Variants in ANGPT1 observed in about 807,000 individuals in gnomAD.
ANGPT1 encodes the protein angiopoietin 1.
Under a neutral mutation model 62.2 loss-of-function variants are expected in ANGPT1, and 17 were observed. That is an observed-to-expected ratio of 0.27 (90% CI 0.19 to 0.41). The LOEUF (loss-of-function observed/expected upper bound fraction) is 0.41, where lower values mean the gene tolerates loss of function less well. Ranked by LOEUF, ANGPT1 falls within the 10% of genes least tolerant of loss-of-function variation. ANGPT1 has a pLI of 1.00. For missense variants in ANGPT1, 478 were observed against 594.9 expected (o/e 0.80, Z 2.04); for synonymous variants, 199 against 198.9 (o/e 1.00, Z 0.00).
chr8:107,400,668 T>C (rs1454590575), intron 1 of ANGPT1, among the ~76,000 whole-genome samples: 1 of 151,866 alleles, frequency 6.6e-6, no homozygotes, highest in Non-Finnish European at 1.5e-5. Flanking sequence ...CATGCAATTC[T>C]CCTGTCTCAG....
At chr8:107,467,389 G>C (rs1437555149) in intron 1 of ANGPT1, among the ~76,000 whole-genome samples, 3 of 151,648 alleles carry the variant, frequency 2.0e-5, no homozygotes, top group Non-Finnish European at 1.5e-5. Context: ...CTTGAACAAT[G>C]AGCCCACCAA....
rs371628388 is a variant in ANGPT1 at position 107,262,508 on chromosome 8, C to G, written c.1336+1713G>C. 2.6e-4 allele frequency among the ~76,000 whole-genome samples: 40 copies of G among 152,296 alleles called. 1 individual carries two copies. In the South Asian group the frequency reaches 8.3e-3, roughly 32 times the overall value. ...ACAACATAGAGATGAGTTTCTCTCC[C>G]TGCTATCTCACAGAGTGGATCTGGA... On this transcript the variant is annotated intron_variant, in intron 8 of 8. Coordinates refer to ENST00000517746, the MANE Select transcript of ANGPT1 (RefSeq NM_001146.5).
intron 1 of ANGPT1, among the ~76,000 whole-genome samples, chr8:107,391,270 A>AT (rs1279895954): frequency 4.6e-5 from 7 of 152,044 alleles, no homozygotes; most frequent in South Asian, 4.1e-4. Flanking sequence ...TGTGACAGTC[A>AT]TTTTTTTGTC....
At chr8:107,264,011 C>T (rs1000097140) in intron 8 of ANGPT1, among the ~76,000 whole-genome samples, 1 of 152,158 alleles carries the variant, frequency 6.6e-6, no homozygotes, top group African/African-American at 2.4e-5. Context: ...CATTTTCACT[C>T]TTGATGTTGG....
chr8:107,331,740 C>T (rs112937285), intron 3 of ANGPT1, among the ~76,000 whole-genome samples: 229 of 152,210 alleles, frequency 1.5e-3, no homozygotes, highest in African/African-American at 5.2e-3. Flanking sequence ...AGTAGCTATG[C>T]GGCAGCTAGT....
At chr8:107,446,298 T>C (rs1359402971) in intron 1 of ANGPT1, among the ~76,000 whole-genome samples, 1 of 152,224 alleles carries the variant, frequency 6.6e-6, no homozygotes, top group African/African-American at 2.4e-5. Flanking sequence ...TTTTTATATA[T>C]TTTTGTAGTA....
chr8:107,254,692 G>T (rs921335437), intron 8 of ANGPT1, among the ~76,000 whole-genome samples: 1 of 152,124 alleles, frequency 6.6e-6, no homozygotes, highest in Non-Finnish European at 1.5e-5. Context: ...AGCTTGGGAT[G>T]TGTAGGGACA....
intron 7 of ANGPT1, among the ~76,000 whole-genome samples, chr8:107,274,484 C>T (rs1278482246): frequency 6.6e-6 from 1 of 151,826 alleles, no homozygotes; most frequent in Non-Finnish European, 1.5e-5. Context: ...TATTTACTTG[C>T]CAACAAGCAA....
chr8:107,497,511 G>C lies in ANGPT1; in HGVS notation c.48C>G (p.His16Gln), dbSNP rs1405473465. The change falls in exon 1 of 9, where the codon CAC becomes CAG. Residue 16 changes from histidine to glutamine, a missense_variant. Around this residue, in one of 4 missense-constraint regions of ANGPT1, gnomAD observed 343 missense variants for 355.4 expected, o/e 0.97. Coordinates refer to ENST00000517746, the MANE Select transcript of ANGPT1 (RefSeq NM_001146.5). ...SFAFLAAILT[H>Q]IGCSNQRRSP... ...TTCGGCGCTGATTGCTGCACCCTATGTGAGTCAGAATGGCAGCGAGGAAAG... is the reference window on the plus strand; with the variant it reads ...TTCGGCGCTGATTGCTGCACCCTATCTGAGTCAGAATGGCAGCGAGGAAAG... 8.7e-6 allele frequency: 14 copies of C among 1,613,974 alleles called. No individual in the cohort carries two copies. The highest frequency in any genetic ancestry group is 1.2e-5 in the Non-Finnish European group (14 of 1,180,004).
chr8:107,379,520 T>A (rs763072889), intron 1 of ANGPT1, among the ~76,000 whole-genome samples: 4 of 150,842 alleles, frequency 2.7e-5, no homozygotes, highest in Non-Finnish European at 4.4e-5. Context: ...GCCAATTTTA[T>A]AGATGAAGAA....
At chr8:107,372,890 C>T (rs1432884701) in intron 1 of ANGPT1, among the ~76,000 whole-genome samples, 1 of 151,592 alleles carries the variant, frequency 6.6e-6, no homozygotes, top group Non-Finnish European at 1.5e-5. Flanking sequence ...TTCACATGAC[C>T]TAAAGGTAAG....
intron 4 of ANGPT1, among the ~76,000 whole-genome samples, chr8:107,309,885 T>C (rs924757188): frequency 2.4e-4 from 36 of 152,178 alleles, no homozygotes; most frequent in South Asian, 2.1e-4. Flanking sequence ...ACATACATTC[T>C]ATTCTTAAAT....
chr8:107,466,905 C>CA lies in ANGPT1; in HGVS notation c.297+30356dup, dbSNP rs555884127. ...CCAGCCTGGGCAACAAGCTCCATCT[C>CA]AAAAAAAAAAATTATAATCGAGAAA... On this transcript the variant is annotated intron_variant, in intron 1 of 8. Transcript: ENST00000517746. 5.9e-4 allele frequency among the ~76,000 whole-genome samples: 88 copies of CA among 149,162 alleles called. No individual in the cohort carries two copies. In the South Asian group the frequency reaches 8.7e-3, roughly 15 times the overall value.
At chr8:107,348,749 G>A (rs1200104544) in intron 1 of ANGPT1, among the ~76,000 whole-genome samples, 5 of 152,154 alleles carry the variant, frequency 3.3e-5, no homozygotes, top group Admixed American at 6.6e-5. Flanking sequence ...CACATCCTAT[G>A]TTCCCTTTTT....
intron 1 of ANGPT1, among the ~76,000 whole-genome samples, chr8:107,352,576 T>C (rs1815956492): frequency 6.6e-6 from 1 of 152,178 alleles, no homozygotes; most frequent in Non-Finnish European, 1.5e-5. Flanking sequence ...ATGTCTTGTA[T>C]GTGAAATGCA....
chr8:107,376,922 A>G (rs2514861), intron 1 of ANGPT1, among the ~76,000 whole-genome samples: 46,394 of 152,052 alleles, frequency 0.31, 7,237 homozygotes, highest in Middle Eastern at 0.4. Context: ...TTTTGAAGCA[A>G]ATATTCTCTT....
chr8:107,393,210 A>G (rs942125549), intron 1 of ANGPT1, among the ~76,000 whole-genome samples: 1 of 152,156 alleles, frequency 6.6e-6, no homozygotes, highest in African/African-American at 2.4e-5. Flanking sequence ...ATTATTTTTT[A>G]AAAAACATCT....
chr8:107,322,814 C>G, intron 3 of ANGPT1: 1 of 240,582 alleles, frequency 4.2e-6, no homozygotes, highest in Non-Finnish European at 8.3e-6. Context: ...CAGCAATATA[C>G]ATTCTCAATC....
At chr8:107,494,574 C>T (rs947135708) in intron 1 of ANGPT1, 10 of 152,294 alleles carry the variant, frequency 6.6e-5, no homozygotes, top group African/African-American at 1.9e-4. Context: ...TCATTTTAAT[C>T]GACAAGTGAT....
Sources: gnomAD v4.1 joint callset for allele counts (sites outside exome capture counted in the v4.1 genomes callset) on GRCh38, gnomAD v4.1.1 for gene constraint, gnomAD v4.1.1 regional missense constraint, MANE v1.5 for transcripts, NCBI Gene and HGNC (gene_info 2026-07-23, HGNC 2026-07-21) for gene names.